GLIS3: variants seen among roughly 807,000 people sequenced by gnomAD.
The protein encoded by GLIS3 is zinc finger protein GLIS3.
In GLIS3, 53 loss-of-function variants were observed where a neutral mutation model predicts 78.6. That is an observed-to-expected ratio of 0.67 (90% CI 0.54 to 0.85). GLIS3 has a LOEUF of 0.85. Ranked by LOEUF, GLIS3 falls within the 40% of genes least tolerant of loss-of-function variation. The probability of loss-of-function intolerance (pLI) is 0.00; values close to 1 mark genes in which losing one functional copy is unlikely to be tolerated. For synonymous variants in GLIS3, 684 were observed against 509.9 expected, an observed-to-expected ratio of 1.34 and a Z score of -4.60; for missense variants, 1,703 against 1,231.1, an observed-to-expected ratio of 1.38 and a Z score of -5.74.
At chr9:4,184,517 C>T (rs1396766841) in intron 2 of GLIS3, among the ~76,000 whole-genome samples, 1 of 152,208 alleles carries the variant, frequency 6.6e-6, no homozygotes, top group Non-Finnish European at 1.5e-5. Context: ...AGCGCCTAGT[C>T]CTCCGTCCCC....
intron 2 of GLIS3, among the ~76,000 whole-genome samples, chr9:4,169,965 C>T (rs1816229648): frequency 6.6e-6 from 1 of 152,104 alleles, no homozygotes; most frequent in Admixed American, 6.6e-5. Context: ...AGCGTCCTCA[C>T]ATCAAAATGA....
chr9:4,206,459 A>C (rs1384366289), intron 2 of GLIS3, among the ~76,000 whole-genome samples: 1 of 152,246 alleles, frequency 6.6e-6, no homozygotes, highest in African/African-American at 2.4e-5. Flanking sequence ...TATAAAACTC[A>C]GACGCCTATT....
chr9:4,359,039 T>C, the GLIS3 span, among the ~76,000 whole-genome samples: 1 of 152,152 alleles, frequency 6.6e-6, no homozygotes, highest in African/African-American at 2.4e-5. Flanking sequence ...AGGCAGAGAC[T>C]TGCAAAGTTT....
intron 8 of GLIS3, among the ~76,000 whole-genome samples, chr9:3,862,147 G>A (rs1347561888): frequency 6.6e-6 from 1 of 151,964 alleles, no homozygotes; most frequent in Non-Finnish European, 1.5e-5. Flanking sequence ...TTATTTGGAT[G>A]AAAAAAACAA....
At chr9:4,267,531 A>T (rs914969898) in intron 2 of GLIS3, among the ~76,000 whole-genome samples, 1 of 152,216 alleles carries the variant, frequency 6.6e-6, no homozygotes, top group South Asian at 2.1e-4. Flanking sequence ...ACAAGTCTTT[A>T]ATCTCTTTGT....
Position 3,970,481 on chromosome 9 carries a change from C to A in GLIS3, c.1711-33292G>T, listed in dbSNP as rs148221356. Among the ~76,000 whole-genome samples, 333 of 152,192 alleles carry A rather than the reference C, an allele frequency of 2.2e-3. 3 individuals are homozygous for A. Among genetic ancestry groups the A allele is most frequent in the Non-Finnish European group, 3.8e-3 (257 of 68,004 alleles). On this transcript the variant is annotated intron_variant, in intron 4 of 10. Transcript: ENST00000381971. ...TTTGTAGAAGAAATTTTTATTTTGT[C>A]AACCTAAAAGTTTGCCATAGACATC...
At chr9:4,137,591 ATAT>A (rs35090675) in intron 2 of GLIS3, among the ~76,000 whole-genome samples, 114,967 of 151,856 alleles carry the variant, frequency 0.76, 43,861 homozygotes, top group African/African-American at 0.85. Context: ...CAGTAAGATG[ATAT>A]TATTAGGAAC....
rs565798799 is a variant in GLIS3 at position 4,280,705 on chromosome 9, AGTT to A, written c.388+5330_388+5332del. 5.5e-4 allele frequency among the ~76,000 whole-genome samples: 84 copies of A among 152,040 alleles called. 1 individual carries two copies. The highest frequency in any genetic ancestry group is 2.0e-3 in the African/African-American group (82 of 41,444). ...TTTGAAGAGGAACAGATCTGGGAGG[AGTT>A]GTTCTTTTTCTCTTTTGCCTTTTAT... On this transcript the variant is annotated intron_variant, in intron 2 of 10. Coordinates refer to ENST00000381971, the MANE Select transcript of GLIS3 (RefSeq NM_001042413.2).
intron 4 of GLIS3, among the ~76,000 whole-genome samples, chr9:3,983,799 C>A (rs748965247): frequency 2.1e-4 from 32 of 152,108 alleles, no homozygotes; most frequent in Non-Finnish European, 2.5e-4. Context: ...GACTTGGGTG[C>A]TGTTAAGGGC....
At chr9:4,024,217 C>T (rs758924659) in intron 4 of GLIS3, among the ~76,000 whole-genome samples, 17 of 151,974 alleles carry the variant, frequency 1.1e-4, no homozygotes, top group Non-Finnish European at 1.9e-4. Context: ...GTGTTCAGAC[C>T]GAGACTGTAC....
chr9:4,158,286 C>T lies in GLIS3; in HGVS notation c.389-32345G>A, dbSNP rs112417834. ...GCAACTTTCTGTAGCATGAAAGAGA[C>T]GTTTTCAGTAAACACATGTTTGCCA... On this transcript the variant is annotated intron_variant, in intron 2 of 10. Coordinates refer to ENST00000381971, the MANE Select transcript of GLIS3 (RefSeq NM_001042413.2). 1.8e-3 allele frequency among the ~76,000 whole-genome samples: 277 copies of T among 152,228 alleles called. 4 individuals are homozygous for T. The highest frequency in any genetic ancestry group is 6.0e-3 in the African/African-American group (250 of 41,526).
chr9:4,348,429 G>A (rs886283011), upstream of GLIS3: 2 of 152,322 alleles, frequency 1.3e-5, no homozygotes, highest in East Asian at 1.9e-4. Context: ...GGAGGCAAAA[G>A]CAAAAGAATG....
At chr9:4,091,528 CACAA>C (rs1336413064) in intron 4 of GLIS3, among the ~76,000 whole-genome samples, 2 of 79,860 alleles carry the variant, frequency 2.5e-5, no homozygotes, top group Admixed American at 1.4e-4. Context: ...CACACGTGCA[CACAA>C]ACACACACAC....
intron 2 of GLIS3, among the ~76,000 whole-genome samples, chr9:4,314,457 G>A (rs1406186606): frequency 6.6e-6 from 1 of 152,218 alleles, no homozygotes; most frequent in African/African-American, 2.4e-5. Context: ...CATATACAAT[G>A]AAGTCAATAG....
chr9:4,284,639 G>A (rs1013500128), intron 2 of GLIS3, among the ~76,000 whole-genome samples: 5 of 151,996 alleles, frequency 3.3e-5, no homozygotes, highest in Admixed American at 2.0e-4. Flanking sequence ...GGCCTGGCAC[G>A]GTGGCTCACG....
intron 4 of GLIS3, among the ~76,000 whole-genome samples, chr9:4,015,866 G>C (rs943543934): frequency 3.0e-5 from 4 of 133,430 alleles, no homozygotes; most frequent in Non-Finnish European, 4.6e-5. Context: ...TTTAGCCTGA[G>C]TGACAGAGCG....
At chr9:4,055,219 A>C (rs1324520680) in intron 4 of GLIS3, among the ~76,000 whole-genome samples, 1 of 152,184 alleles carries the variant, frequency 6.6e-6, no homozygotes, top group Non-Finnish European at 1.5e-5. Flanking sequence ...TAGAGTTGGC[A>C]AGAGCCTCTA....
rs557188107 is a variant in GLIS3, at chr9:4,185,557, T to G, written c.389-59616A>C. The stretch of plus-strand genomic sequence containing the variant: ...TGTGCCTTAAAGTTGATGGTTTATG[T>G]ATTCATCAATGTCCCATAAGGAAGC... On this transcript the variant is annotated intron_variant, in intron 2 of 10. Transcript: ENST00000381971. Among the ~76,000 whole-genome samples the G allele has an allele frequency of 2.6e-5, 4 of 152,298 alleles. No individual in the cohort carries two copies. The South Asian group carries it at 8.3e-4, about 32-fold the overall frequency.
At chr9:4,274,214 G>A (rs184861809) in intron 2 of GLIS3, among the ~76,000 whole-genome samples, 3 of 152,182 alleles carry the variant, frequency 2.0e-5, no homozygotes, top group Non-Finnish European at 2.9e-5. Context: ...AATGCTTCTC[G>A]AATGTCAATG....
Sources: allele counts gnomAD v4.1 joint callset (sites outside exome capture counted in the v4.1 genomes callset), GRCh38; gene constraint gnomAD v4.1.1; transcripts MANE v1.5; gene names NCBI Gene and HGNC (gene_info 2026-07-23, HGNC 2026-07-21).